SBF2: variants seen among roughly 807,000 people sequenced by gnomAD.
The protein encoded by SBF2 is myotubularin-related protein 13.
A neutral mutation model predicts 225.2 loss-of-function variants in SBF2; 112 were observed. The ratio of observed to expected loss-of-function variants is 0.50; its 90% CI spans 0.43 to 0.58. SBF2 has a LOEUF of 0.58. Among genes scored for constraint, SBF2 ranks in the 20% least tolerant of loss-of-function variants. The probability of loss-of-function intolerance (pLI) is 0.00; values close to 1 mark genes in which losing one functional copy is unlikely to be tolerated. For missense variants in SBF2, 1,996 were observed against 2,206.2 expected (o/e 0.90, Z 1.91); for synonymous variants, 763 against 773.3 (o/e 0.99, Z 0.22).
chr11:9,917,938 A>G (rs9332432), intron 16 of SBF2, among the ~76,000 whole-genome samples: 88,317 of 151,112 alleles, frequency 0.58, 26,425 homozygotes, highest in African/African-American at 0.65. Context: ...TTTGGTAAAC[A>G]GGACCAGCAT....
intron 1 of SBF2, among the ~76,000 whole-genome samples, chr11:10,218,690 C>T (rs1958227844): frequency 6.6e-6 from 1 of 152,160 alleles, no homozygotes; most frequent in Non-Finnish European, 1.5e-5. Flanking sequence ...CATCTAGATA[C>T]AACGGAGGTA....
At chr11:10,277,862 A>AG (rs1358570240) in intron 1 of SBF2, among the ~76,000 whole-genome samples, 4 of 152,204 alleles carry the variant, frequency 2.6e-5, no homozygotes, top group Non-Finnish European at 4.4e-5. Context: ...AGAGAGACTG[A>AG]GGCCCTCCTG....
chr11:9,858,248 T>G lies in SBF2; in HGVS notation c.2078A>C (p.His693Pro). ...SLYLSAKEDN[H>P]APHLKQKDKL... ...TACCTTTTGCTTCAGATGCGGGGCA[T>G]GATTGTCTTCCTTGGCTGAGAGATA... Residue 693 changes from histidine to proline, a missense_variant, in exon 18 of 40, where the codon CAT (histidine) becomes CCT (proline). Transcript: ENST00000256190. The G allele has an allele frequency of 1.2e-6, 2 of 1,614,222 alleles. No homozygotes were observed. The highest frequency in any genetic ancestry group is 1.7e-6 in the Non-Finnish European group (2 of 1,180,024).
intron 7 of SBF2, among the ~76,000 whole-genome samples, 195 bp downstream of exon 7, chr11:10,002,362 A>C (rs1948007713): frequency 6.6e-6 from 1 of 152,210 alleles, no homozygotes. Flanking sequence ...TACACTAATC[A>C]ACATTCAGTA....
intron 1 of SBF2, among the ~76,000 whole-genome samples, chr11:10,288,784 T>A (rs1963963418): frequency 6.6e-6 from 1 of 152,158 alleles, no homozygotes; most frequent in Non-Finnish European, 1.5e-5. Context: ...TCCTCTGCTC[T>A]GCTCTGGGCT....
intron 35 of SBF2, among the ~76,000 whole-genome samples, chr11:9,788,778 G>GT (rs1852544431): frequency 9.8e-6 from 1 of 101,704 alleles, no homozygotes; most frequent in Non-Finnish European, 1.9e-5. Flanking sequence ...TTTTTTTTTT[G>GT]TATTTCTTAG....
chr11:10,196,801 T>G (rs565235538), intron 1 of SBF2, among the ~76,000 whole-genome samples: 1 of 146,974 alleles, frequency 6.8e-6, no homozygotes, highest in African/African-American at 2.5e-5. Context: ...TTATTAACAT[T>G]TTGGACTATC....
At chr11:10,061,976 G>A (rs377526507) in intron 2 of SBF2, among the ~76,000 whole-genome samples, 43 of 152,268 alleles carry the variant, frequency 2.8e-4, no homozygotes, top group African/African-American at 9.4e-4. Flanking sequence ...AAATAGCATG[G>A]TACTGGTACA....
chr11:10,160,965 T>C (rs376101803), intron 2 of SBF2, among the ~76,000 whole-genome samples: 1 of 152,080 alleles, frequency 6.6e-6, no homozygotes, highest in Non-Finnish European at 1.5e-5. Context: ...GATGGGCAGA[T>C]CACTTGAGGC....
intron 17 of SBF2, among the ~76,000 whole-genome samples, chr11:9,882,183 A>G (rs1859824734): frequency 6.6e-6 from 1 of 152,248 alleles, no homozygotes; most frequent in Non-Finnish European, 1.5e-5. Context: ...GCAAGCAGTC[A>G]CCAGACAACA....
intron 16 of SBF2, among the ~76,000 whole-genome samples, chr11:9,945,651 A>T (rs905507274): frequency 6.6e-6 from 1 of 152,208 alleles, no homozygotes; most frequent in Non-Finnish European, 1.5e-5. Context: ...AAGAGTAAAC[A>T]GACAACCTAA....
Position 9,858,307 on chromosome 11 carries a change from A to G in SBF2, c.2019T>C (p.Phe673=). The part of the protein sequence containing the change: ...WTNQQFWETT[F]YNAVQEQVRS... ...GAACCTGTTCCTGCACTGCATTGTAAAAGGTTGTCTCCCAAAATTGCTGAT... is the reference window on the plus strand; with the variant it reads ...GAACCTGTTCCTGCACTGCATTGTAGAAGGTTGTCTCCCAAAATTGCTGAT... Residue 673 remains phenylalanine (F), a synonymous_variant, in exon 18 of 40, where the codon TTT becomes TTC. Transcript: ENST00000256190. The G allele has an allele frequency of 6.2e-7, 1 of 1,614,172 alleles. No individual in the cohort carries two copies. Among genetic ancestry groups the G allele is most frequent in the Non-Finnish European group, 8.5e-7 (1 of 1,180,022 alleles).
chr11:10,066,842 C>T (rs1331449476), intron 2 of SBF2, among the ~76,000 whole-genome samples: 1 of 152,174 alleles, frequency 6.6e-6, no homozygotes, highest in Non-Finnish European at 1.5e-5. Context: ...AAAGAGTGGA[C>T]TCTACAAAGA....
chr11:9,984,097 A>G (rs1479279671), intron 13 of SBF2, among the ~76,000 whole-genome samples: 1 of 152,250 alleles, frequency 6.6e-6, no homozygotes, highest in East Asian at 1.9e-4. Flanking sequence ...ATTACCTGAA[A>G]AAGAACTCAG....
intron 21 of SBF2, among the ~76,000 whole-genome samples, chr11:9,852,474 C>A (rs145038488): frequency 1.2e-3 from 182 of 152,270 alleles, no homozygotes; most frequent in Middle Eastern, 3.4e-3. Context: ...TTTGTTGAAT[C>A]TAAGAAAAGA....
intron 6 of SBF2, among the ~76,000 whole-genome samples, chr11:10,008,845 A>G (rs2134543919): frequency 6.6e-6 from 1 of 152,364 alleles, no homozygotes; most frequent in Non-Finnish European, 1.5e-5. Flanking sequence ...TGTGGCAGGT[A>G]GGACTATAAG....
chr11:10,137,953 T>C (rs1043249454), intron 2 of SBF2, among the ~76,000 whole-genome samples: 2 of 152,078 alleles, frequency 1.3e-5, no homozygotes, highest in African/African-American at 4.8e-5. Context: ...TGAGCCGAGA[T>C]TGTGCCATTG....
intron 2 of SBF2, among the ~76,000 whole-genome samples, chr11:10,048,313 A>AAAGAGTAC (rs574321596): frequency 6.6e-6 from 1 of 152,138 alleles, no homozygotes; most frequent in African/African-American, 2.4e-5. Flanking sequence ...GCAGCTATCA[A>AAAGAGTAC]AAGAGTCCCC....
At chr11:9,982,564 T>C (rs1030543165) in intron 13 of SBF2, among the ~76,000 whole-genome samples, 2 of 152,216 alleles carry the variant, frequency 1.3e-5, no homozygotes, top group Non-Finnish European at 2.9e-5. Flanking sequence ...ACTGTCTAAA[T>C]AGAGTGGATC....
Sources: gnomAD v4.1 joint callset for allele counts (sites outside exome capture counted in the v4.1 genomes callset) on GRCh38, gnomAD v4.1.1 for gene constraint, MANE v1.5 for transcripts, NCBI Gene and HGNC (gene_info 2026-07-23, HGNC 2026-07-21) for gene names.